The following FREM1 variants were observed in gnomAD, a reference collection of about 807,000 sequenced individuals.
FREM1 encodes FRAS1 related extracellular matrix 1, also known as FRAS1-related extracellular matrix protein 1.
In FREM1, 220 loss-of-function variants were observed where a neutral mutation model predicts 210.1. The ratio of observed to expected loss-of-function variants is 1.05; its 90% confidence interval spans 0.94 to 1.17. The LOEUF (loss-of-function observed/expected upper bound fraction) is 1.17, where lower values mean the gene tolerates loss of function less well. FREM1 is among the 50% of genes most tolerant of loss of function. FREM1 has a pLI of 0.00. For missense variants in FREM1, 3,454 were observed against 2,675.5 expected, an observed-to-expected ratio of 1.29 and a Z score of -6.42; for synonymous variants, 1,189 against 980.2, an observed-to-expected ratio of 1.21 and a Z score of -3.98.
At chr9:14,797,859 G>A (rs1447173184) in intron 20 of FREM1, among the ~76,000 whole-genome samples, 1 of 152,156 alleles carries the variant, frequency 6.6e-6, no homozygotes, top group Non-Finnish European at 1.5e-5. Context: ...GATTAAGGGT[G>A]TTATTTAAAA....
chr9:14,890,475 TAAG>T (rs1441880566), intron 1 of FREM1, among the ~76,000 whole-genome samples: 1 of 152,242 alleles, frequency 6.6e-6, no homozygotes, highest in Admixed American at 6.5e-5. Flanking sequence ...TTAAAGATTC[TAAG>T]AAGTCTTGCA....
chr9:14,861,984 C>G lies in FREM1; in HGVS notation c.329+1825G>C, dbSNP rs149130298. Among the ~76,000 whole-genome samples the G allele has an allele frequency of 1.1e-3, 173 of 152,346 alleles. 1 individual carries two copies. Among genetic ancestry groups the G allele is most frequent in the African/African-American group, 4.0e-3 (168 of 41,576 alleles). On this transcript the variant is annotated intron_variant, in intron 3 of 36. Transcript: ENST00000380880. Reference sequence around the variant, plus strand: ...CCATGTTCCCTGCAACTCCCCACTACCCTTCCCACCCGCTCCGCGCAAGTT... The same window carrying G: ...CCATGTTCCCTGCAACTCCCCACTAGCCTTCCCACCCGCTCCGCGCAAGTT...
intron 10 of FREM1, among the ~76,000 whole-genome samples, chr9:14,838,738 T>C (rs182763163): frequency 1.1e-3 from 167 of 152,280 alleles, no homozygotes; most frequent in African/African-American, 3.9e-3. Flanking sequence ...TCTAGAAACA[T>C]TGAAATGAAT....
intron 24 of FREM1, among the ~76,000 whole-genome samples, chr9:14,777,018 G>A (rs1228963104): frequency 6.6e-6 from 1 of 152,218 alleles, no homozygotes; most frequent in Admixed American, 6.5e-5. Flanking sequence ...AGATGAAGCT[G>A]AGACTAGAAT....
intron 10 of FREM1, among the ~76,000 whole-genome samples, chr9:14,831,596 G>C (rs1242275824): frequency 6.6e-6 from 1 of 152,162 alleles, no homozygotes; most frequent in Non-Finnish European, 1.5e-5. Flanking sequence ...TTTTAATTCT[G>C]GAAGTTAACC....
rs1850879270 is a variant in FREM1 at position 14,789,115 on chromosome 9, C to CA, written c.3982-2_3982-1insT. 6.3e-7 allele frequency: 1 copy of CA among 1,575,764 alleles called. No homozygotes were observed. Among genetic ancestry groups the CA allele is most frequent in the Admixed American group, 1.8e-5 (1 of 55,194 alleles). ...AGAGAGGAACCCAGTCCCTCCCTAT[C>CA]TGGAAGGAGCCAGAGTTAGTCAGCT... On this transcript the variant is annotated splice_acceptor_variant, in intron 22 of 36. Transcript: ENST00000380880. LOFTEE classifies it high-confidence loss of function.
intron 14 of FREM1, among the ~76,000 whole-genome samples, chr9:14,817,470 C>G (rs1209750276): frequency 6.6e-6 from 1 of 152,148 alleles, no homozygotes; most frequent in Non-Finnish European, 1.5e-5. Flanking sequence ...TTTGTCTAGC[C>G]TTAGCCCTAT....
chr9:14,848,556 G>C (rs1425894499), intron 7 of FREM1, 109 bp downstream of exon 7: 10 of 514,194 alleles, frequency 1.9e-5, no homozygotes, highest in Admixed American at 1.9e-4. Context: ...CTGGGTTTCA[G>C]TTGCCACATG....
intron 34 of FREM1, 27 bp from the exon 35 acceptor site, chr9:14,746,495 T>A: frequency 1.3e-6 from 2 of 1,549,660 alleles, no homozygotes; most frequent in Non-Finnish European, 1.8e-6. Context: ...TGTGTTCATA[T>A]CATAATGGTC....
chr9:14,872,163 T>C (rs1212585113), intron 1 of FREM1, among the ~76,000 whole-genome samples: 1 of 152,200 alleles, frequency 6.6e-6, no homozygotes, highest in Non-Finnish European at 1.5e-5. Context: ...TCTTTTTTGG[T>C]TCCATATGAA....
chr9:14,874,155 G>C (rs1833247981), intron 1 of FREM1, among the ~76,000 whole-genome samples: 1 of 152,184 alleles, frequency 6.6e-6, no homozygotes. Flanking sequence ...TTGATTTGGG[G>C]TGGAGGGTTC....
chr9:14,779,452 A>T (rs1214234794), intron 24 of FREM1: 1 of 983,714 alleles, frequency 1.0e-6, no homozygotes. Context: ...ACAAACCCAA[A>T]TGCAAGCTTG....
At chr9:14,769,171 T>A (rs1484322995) in intron 27 of FREM1, among the ~76,000 whole-genome samples, 2 of 152,236 alleles carry the variant, frequency 1.3e-5, no homozygotes, top group African/African-American at 4.8e-5. Context: ...ATACCCTTTA[T>A]ATACCTTCCA....
chr9:14,825,297 G>A (rs1055050343), intron 10 of FREM1, among the ~76,000 whole-genome samples: 7 of 151,592 alleles, frequency 4.6e-5, no homozygotes, highest in Non-Finnish European at 8.8e-5. Context: ...AGAACAGCCT[G>A]GCCAACATAG....
chr9:14,860,798 C>CTTATAT (rs1564101775), intron 3 of FREM1, among the ~76,000 whole-genome samples: 1 of 91,118 alleles, frequency 1.1e-5, no homozygotes, highest in Non-Finnish European at 2.3e-5. Context: ...TACATATATA[C>CTTATAT]ACATATATAC....
At chr9:14,899,744 G>T (rs185542439) in intron 1 of FREM1, among the ~76,000 whole-genome samples, 2 of 152,314 alleles carry the variant, frequency 1.3e-5, no homozygotes, top group African/African-American at 4.8e-5. Flanking sequence ...AGGTAGAAAC[G>T]TATTTACTGT....
intron 1 of FREM1, among the ~76,000 whole-genome samples, chr9:14,874,626 G>C (rs1833346235): frequency 6.6e-6 from 1 of 151,700 alleles, no homozygotes; most frequent in Non-Finnish European, 1.5e-5. Flanking sequence ...TATCCAATTT[G>C]CCAGTCTGTG....
In FREM1 at chr9:14,784,546, T is replaced by C. The variant is rs544885385; in HGVS notation, c.4266A>G (p.Gly1422=). 1 of 1,613,656 alleles carries C rather than the reference T, an allele frequency of 6.2e-7. No homozygotes were observed. Among genetic ancestry groups the C allele is most frequent in the Admixed American group, 1.7e-5 (1 of 59,976 alleles). The part of the protein sequence containing the change: ...LTTTTLLAVD[G]TDKPEELLYV... ...AGAGCAGTTCCTCAGGCTTGTCTGT[T>C]CCGTCCACAGCCAGGAGCGTGGTGG... The change falls in exon 24 of 37, where the codon GGA becomes GGG. Residue 1422 remains glycine, a synonymous_variant. Coordinates refer to ENST00000380880, the MANE Select transcript of FREM1 (RefSeq NM_001379081.2).
intron 12 of FREM1, 137 bp downstream of exon 12, chr9:14,823,888 T>G: frequency 2.1e-6 from 1 of 476,032 alleles, no homozygotes; most frequent in South Asian, 5.7e-5. Context: ...AATGGAAACA[T>G]ACAAGTAGCA....
Sources: gnomAD v4.1 joint callset for allele counts (sites outside exome capture counted in the v4.1 genomes callset) on GRCh38, gnomAD v4.1.1 for gene constraint, MANE v1.5 for transcripts, NCBI Gene and HGNC (gene_info 2026-07-23, HGNC 2026-07-21) for gene names.